Variants in CAMTA1 observed in about 807,000 individuals in gnomAD.
CAMTA1 encodes calmodulin-binding transcription activator 1.
In CAMTA1, 27 loss-of-function variants were observed where a neutral mutation model predicts 170.9. That is an observed-to-expected ratio of 0.16 (90% CI 0.12 to 0.22). The LOEUF is 0.22. Among genes scored for constraint, CAMTA1 ranks in the 10% least tolerant of loss-of-function variants. CAMTA1 has a pLI of 1.00. For synonymous variants in CAMTA1, 833 were observed against 891.5 expected (o/e 0.93, Z 1.17); for missense variants, 1,619 against 2,217.2 (o/e 0.73, Z 5.42).
chr1:7,745,394 T>C (rs144870398), intron 17 of CAMTA1, among the ~76,000 whole-genome samples: 2,909 of 152,014 alleles, frequency 0.019, 80 homozygotes, highest in African/African-American at 0.066. Context: ...GGCATGGTGA[T>C]AGGCGCCTGT....
chr1:7,717,300 T>A (rs2096617657), intron 11 of CAMTA1, among the ~76,000 whole-genome samples: 2 of 152,216 alleles, frequency 1.3e-5, no homozygotes, highest in African/African-American at 4.8e-5. Flanking sequence ...TGTCATTATT[T>A]AATGAACAAA....
At chr1:7,129,919 T>TTGTGTGTGTG (rs3058550) in intron 4 of CAMTA1, among the ~76,000 whole-genome samples, 47 of 147,148 alleles carry the variant, frequency 3.2e-4, no homozygotes, top group African/African-American at 1.1e-3. Flanking sequence ...CTACCTTCTT[T>TTGTGTGTGTG]TGTGTGTGTG....
In CAMTA1 at chr1:7,681,814, C is replaced by T. The variant is rs72630583; in HGVS notation, c.2914+4081C>T. ...AACCCAGGCAGTTCAACACTGCAGC[C>T]CTGGAGCTGAGGGGATGGGGCGGGC... On this transcript the variant is annotated intron_variant, in intron 11 of 22. Coordinates refer to ENST00000303635, the MANE Select transcript of CAMTA1 (RefSeq NM_015215.4). The surrounding 1 kb of genome is among the most constrained non-coding windows in gnomAD (Gnocchi z 4.6). Among the ~76,000 whole-genome samples the T allele has an allele frequency of 0.19, 29,451 of 152,206 alleles. 3,002 individuals carry two copies. The highest frequency in any genetic ancestry group is 0.34 in the Middle Eastern group (101 of 294).
At chr1:6,840,090 C>T (rs985157536) in intron 3 of CAMTA1, among the ~76,000 whole-genome samples, 1 of 152,102 alleles carries the variant, frequency 6.6e-6, no homozygotes, top group Non-Finnish European at 1.5e-5. Context: ...ATCCCAGCTA[C>T]TCGGAGGCTG....
intron 6 of CAMTA1, among the ~76,000 whole-genome samples, chr1:7,607,903 A>T (rs2095498365): frequency 6.6e-6 from 1 of 152,158 alleles, no homozygotes; most frequent in African/African-American, 2.4e-5. Context: ...GTTGGAGTAG[A>T]CTGTGTGGAA....
chr1:6,798,389 T>C (rs1643064502), intron 1 of CAMTA1, among the ~76,000 whole-genome samples: 1 of 152,148 alleles, frequency 6.6e-6, no homozygotes, highest in South Asian at 2.1e-4. Flanking sequence ...GCTATTATTA[T>C]TAGGTTTCAA....
rs188501010 is a variant in CAMTA1 at position 6,803,602 on chromosome 1, T to C, written c.46-16579T>C. Reference sequence around the variant, plus strand: ...TTTCATAGTGTTGACCTTGAGTAAATTCAGAAAAGCAATACTGAGTATGTT... The same window carrying C: ...TTTCATAGTGTTGACCTTGAGTAAACTCAGAAAAGCAATACTGAGTATGTT... On this transcript the variant is annotated intron_variant, in intron 1 of 22. Coordinates refer to ENST00000303635, the MANE Select transcript of CAMTA1 (RefSeq NM_015215.4). Among the ~76,000 whole-genome samples the C allele has an allele frequency of 6.6e-5, 10 of 152,350 alleles. No individual in the cohort carries two copies. The East Asian group carries it at 1.9e-3, about 29-fold the overall frequency.
At chr1:7,415,759 A>G (rs1452886011) in intron 5 of CAMTA1, among the ~76,000 whole-genome samples, 2 of 152,186 alleles carry the variant, frequency 1.3e-5, no homozygotes, top group African/African-American at 4.8e-5. Flanking sequence ...GCCCATTTAC[A>G]TTTAAAGTTA....
chr1:7,073,359 C>T (rs1638891122), intron 3 of CAMTA1, among the ~76,000 whole-genome samples: 1 of 152,122 alleles, frequency 6.6e-6, no homozygotes, highest in Non-Finnish European at 1.5e-5. Context: ...GATATAGGAG[C>T]CTGGAGTTCA....
At chr1:7,433,117 G>C (rs2092234030) in intron 5 of CAMTA1, among the ~76,000 whole-genome samples, 1 of 152,260 alleles carries the variant, frequency 6.6e-6, no homozygotes, top group Admixed American at 6.5e-5. Flanking sequence ...AATAGAGCCA[G>C]GTTGCCTGCC....
chr1:7,480,146 TGTCC>T (rs2093493581), intron 6 of CAMTA1, among the ~76,000 whole-genome samples: 1 of 150,168 alleles, frequency 6.7e-6, no homozygotes, highest in Non-Finnish European at 1.5e-5. Flanking sequence ...TGAGCGCCTG[TGTCC>T]GTGTGGGTGC....
At chr1:7,169,772 T>C (rs1406060047) in intron 4 of CAMTA1, among the ~76,000 whole-genome samples, 1 of 152,180 alleles carries the variant, frequency 6.6e-6, no homozygotes, top group Non-Finnish European at 1.5e-5. Context: ...AGTGATCTGC[T>C]CTCTTCAACT....
At chr1:7,100,987 G>A (rs968517499) in intron 4 of CAMTA1, among the ~76,000 whole-genome samples, 3 of 152,176 alleles carry the variant, frequency 2.0e-5, no homozygotes, top group Non-Finnish European at 2.9e-5. Flanking sequence ...GAGACTGCCC[G>A]CCCAGGGTGA....
Position 7,144,708 on chromosome 1 carries a change from A to G in CAMTA1, c.302+53337A>G, listed in dbSNP as rs966453724. On this transcript the variant is annotated intron_variant, in intron 4 of 22. Coordinates refer to ENST00000303635, the MANE Select transcript of CAMTA1 (RefSeq NM_015215.4). This position sits in a 1 kb window ranked among gnomAD's most constrained non-coding sequence, Gnocchi z 4.0. Reference sequence around the variant, plus strand: ...GTGTCAAATGTATTTGCTTCCTTCTACCAGTCCTGTCTGGTAATCTCTATA... The same window carrying G: ...GTGTCAAATGTATTTGCTTCCTTCTGCCAGTCCTGTCTGGTAATCTCTATA... 7.2e-4 allele frequency among the ~76,000 whole-genome samples: 110 copies of G among 152,334 alleles called. 2 individuals carry two copies. The highest frequency in any genetic ancestry group is 2.6e-3 in the African/African-American group (107 of 41,572).
Position 7,629,611 on chromosome 1 carries a change from G to A in CAMTA1, c.511-10789G>A, listed in dbSNP as rs141227943. On this transcript the variant is annotated intron_variant, in intron 6 of 22. Transcript: ENST00000303635. The stretch of plus-strand genomic sequence containing the variant: ...CCTCTTCTCCCCTTTCTGAAGACTC[G>A]AATCACATTTCCTCTCCACTGTTAT... Among the ~76,000 whole-genome samples, 530 of 152,228 alleles carry A rather than the reference G, an allele frequency of 3.5e-3. 1 individual carries two copies. Among genetic ancestry groups the A allele is most frequent in the African/African-American group, 0.012 (486 of 41,528 alleles).
intron 4 of CAMTA1, among the ~76,000 whole-genome samples, chr1:7,176,377 A>T (rs1021516000): frequency 6.6e-6 from 1 of 152,188 alleles, no homozygotes; most frequent in African/African-American, 2.4e-5. Context: ...TGCTTGAGGG[A>T]GATGTAGGCT....
intron 4 of CAMTA1, among the ~76,000 whole-genome samples, chr1:7,171,249 C>G (rs1558199399): frequency 1.3e-5 from 2 of 152,222 alleles, no homozygotes; most frequent in Non-Finnish European, 2.9e-5. Context: ...TCATTTCCAT[C>G]AGCAGTGAGC....
At position 7,041,630 on chromosome 1, in the gene CAMTA1, G is replaced by A. The variant is rs968176582; in HGVS notation, c.235-49674G>A. Among the ~76,000 whole-genome samples, 1 of 152,152 alleles carries A rather than the reference G, an allele frequency of 6.6e-6. No homozygotes were observed. Among genetic ancestry groups the A allele is most frequent in the Non-Finnish European group, 1.5e-5 (1 of 68,030 alleles). On this transcript the variant is annotated intron_variant, in intron 3 of 22. Coordinates refer to ENST00000303635, the MANE Select transcript of CAMTA1 (RefSeq NM_015215.4). This position sits in a 1 kb window ranked among gnomAD's most constrained non-coding sequence, Gnocchi z 5.1. ...TTGGAGTGAAGAAATACGCATAAAG[G>A]CACAATTACCATGGACATTTTCCTT...
At chr1:6,865,871 C>T (rs779499202) in intron 3 of CAMTA1, among the ~76,000 whole-genome samples, 10 of 152,120 alleles carry the variant, frequency 6.6e-5, no homozygotes, top group Admixed American at 1.3e-4. Context: ...ATTTTAAAGC[C>T]CAGAAAGGAC....
Sources: gnomAD v4.1 joint callset for allele counts (sites outside exome capture counted in the v4.1 genomes callset) on GRCh38, gnomAD v4.1.1 for gene constraint, Gnocchi (gnomAD v3.1) non-coding constraint, MANE v1.5 for transcripts, NCBI Gene and HGNC (gene_info 2026-07-23, HGNC 2026-07-21) for gene names.